Variants in QKI observed in about 807,000 individuals in gnomAD.
QKI encodes QKI, KH domain containing RNA binding.
QKI carries 10 observed loss-of-function variants against 39.0 expected under a neutral mutation model. That is an observed-to-expected ratio of 0.26 (90% CI 0.16 to 0.43). QKI has a LOEUF of 0.43. Among genes scored for constraint, QKI ranks in the 20% least tolerant of loss-of-function variants. The pLI is 1.00. For synonymous variants in QKI, 204 were observed against 155.4 expected (o/e 1.31, Z -2.33); for missense variants, 218 against 428.0 (o/e 0.51, Z 4.33).
chr6:163,529,944 T>G (rs1780748946), intron 3 of QKI, among the ~76,000 whole-genome samples: 1 of 152,188 alleles, frequency 6.6e-6, no homozygotes, highest in African/African-American at 2.4e-5. Context: ...CTTTAGAGAT[T>G]GAAGTATACA....
At chr6:163,520,811 C>T (rs1424574886) in intron 3 of QKI, among the ~76,000 whole-genome samples, 3 of 152,164 alleles carry the variant, frequency 2.0e-5, no homozygotes, top group African/African-American at 7.2e-5. Context: ...CATTAACTAT[C>T]ACTTTTTATA....
At chr6:163,439,781 C>T (rs1046607673) in intron 1 of QKI, among the ~76,000 whole-genome samples, 2 of 151,490 alleles carry the variant, frequency 1.3e-5, no homozygotes, top group South Asian at 2.1e-4. Context: ...TCCCGAGTAG[C>T]AGGTAATACA....
chr6:163,431,274 A>G (rs1347698471), intron 1 of QKI, among the ~76,000 whole-genome samples: 1 of 152,210 alleles, frequency 6.6e-6, no homozygotes, highest in African/African-American at 2.4e-5. Flanking sequence ...CTTTCATTAA[A>G]TAACAATTCA....
intron 7 of QKI, 114 bp downstream of exon 7, chr6:163,566,909 CCTT>C: frequency 6.8e-7 from 1 of 1,461,786 alleles, no homozygotes; most frequent in Non-Finnish European, 9.0e-7. Context: ...AGTTTTTTTT[CCTT>C]TTCTAAATTT....
Position 163,548,994 on chromosome 6 carries a change from G to A in QKI, c.547-12988G>A, listed in dbSNP as rs73784469. On this transcript the variant is annotated intron_variant, in intron 4 of 7. Transcript: ENST00000361752. ...CTTGTATAACTGGATGGATAGTGCT[G>A]TATTCACTGTAATTATAGAATATGG... Among the ~76,000 whole-genome samples the A allele has an allele frequency of 1.4e-3, 213 of 152,286 alleles. 2 individuals carry two copies. Among genetic ancestry groups the A allele is most frequent in the African/African-American group, 5.0e-3 (209 of 41,550 alleles).
intron 1 of QKI, among the ~76,000 whole-genome samples, chr6:163,447,088 A>G (rs1011180808): frequency 2.6e-5 from 4 of 152,178 alleles, no homozygotes; most frequent in African/African-American, 7.2e-5. Flanking sequence ...CGTTTCTTAA[A>G]ATGAATTTTA....
intron 2 of QKI, among the ~76,000 whole-genome samples, chr6:163,469,964 T>C (rs2128222942): frequency 6.6e-6 from 1 of 152,266 alleles, no homozygotes; most frequent in East Asian, 1.9e-4. Context: ...AGTAGACTTG[T>C]GTTTGTTAAG....
At chr6:163,495,925 C>T (rs2874602) in intron 3 of QKI, among the ~76,000 whole-genome samples, 119,656 of 152,128 alleles carry the variant, frequency 0.79, 47,211 homozygotes, top group East Asian at 1. Context: ...GTATTGTCAC[C>T]GTAAAGGTAA....
chr6:163,551,159 C>T (rs73023304), intron 4 of QKI, among the ~76,000 whole-genome samples: 51 of 152,280 alleles, frequency 3.3e-4, no homozygotes, highest in Non-Finnish European at 5.1e-4. Flanking sequence ...ACTATACTCT[C>T]ACAACACCGA....
intron 3 of QKI, among the ~76,000 whole-genome samples, chr6:163,501,775 A>T (rs2128231884): frequency 6.6e-6 from 1 of 152,342 alleles, no homozygotes; most frequent in African/African-American, 2.4e-5. Flanking sequence ...TACAGAAAGT[A>T]GTGGTTCTAC....
chr6:163,524,572 G>T (rs1006237429), intron 3 of QKI, among the ~76,000 whole-genome samples: 3 of 151,980 alleles, frequency 2.0e-5, no homozygotes, highest in Non-Finnish European at 4.4e-5. Flanking sequence ...AGGTTCAAGC[G>T]ATTCTCCTGC....
intron 1 of QKI, among the ~76,000 whole-genome samples, chr6:163,415,719 G>T (rs1159943526): frequency 2.6e-5 from 4 of 151,844 alleles, no homozygotes; most frequent in Admixed American, 2.6e-4. Context: ...CCCACGCCGC[G>T]CCGCCGGCCT....
At chr6:163,488,976 T>TTC (rs1160470196) in intron 3 of QKI, among the ~76,000 whole-genome samples, 4 of 149,400 alleles carry the variant, frequency 2.7e-5, no homozygotes, top group East Asian at 1.9e-4. Flanking sequence ...TCCATTTCTT[T>TTC]TTTTTTTTTT....
At chr6:163,505,112 G>A (rs991746000) in intron 3 of QKI, among the ~76,000 whole-genome samples, 5 of 152,216 alleles carry the variant, frequency 3.3e-5, no homozygotes, top group Admixed American at 2.6e-4. Context: ...CTTCCATGTG[G>A]TGTTGGGCTT....
intron 4 of QKI, among the ~76,000 whole-genome samples, chr6:163,557,045 G>T (rs539779805): frequency 1.3e-5 from 2 of 152,264 alleles, no homozygotes; most frequent in Non-Finnish European, 2.9e-5. Flanking sequence ...AGAATTTTCA[G>T]AGTGGCTCTG....
chr6:163,567,067 C>T (rs990601437), intron 7 of QKI: 2 of 1,079,310 alleles, frequency 1.9e-6, no homozygotes, highest in Non-Finnish European at 2.2e-6. Context: ...ATTTGGGGAG[C>T]TATTAAATTT....
intron 1 of QKI, among the ~76,000 whole-genome samples, chr6:163,436,208 A>G (rs1582982958): frequency 6.6e-6 from 1 of 152,208 alleles, no homozygotes; most frequent in African/African-American, 2.4e-5. Context: ...TAAAAATAAC[A>G]TTTCTCATTA....
At chr6:163,499,521 G>C (rs1173222112) in intron 3 of QKI, among the ~76,000 whole-genome samples, 1 of 152,176 alleles carries the variant, frequency 6.6e-6, no homozygotes, top group Admixed American at 6.5e-5. Context: ...TTAAATATAT[G>C]CTAAAACGTG....
chr6:163,430,141 ATAAT>A (rs1369008641), intron 1 of QKI, among the ~76,000 whole-genome samples: 2 of 152,174 alleles, frequency 1.3e-5, no homozygotes, highest in Non-Finnish European at 2.9e-5. Flanking sequence ...GAAGGTGTAA[ATAAT>A]TCTCTATTAG....
Sources: allele counts gnomAD v4.1 joint callset (sites outside exome capture counted in the v4.1 genomes callset), GRCh38; gene constraint gnomAD v4.1.1; transcripts MANE v1.5; gene names NCBI Gene and HGNC (gene_info 2026-07-23, HGNC 2026-07-21).